PLCB4: variants seen among roughly 807,000 people sequenced by gnomAD.
PLCB4 encodes phospholipase C beta 4.
In PLCB4, 77 loss-of-function variants were observed where a neutral mutation model predicts 178.8. That is an observed-to-expected ratio of 0.43 (90% confidence interval 0.36 to 0.52). PLCB4 has a LOEUF of 0.52. Among genes scored for constraint, PLCB4 ranks in the 20% least tolerant of loss-of-function variants. The probability of loss-of-function intolerance (pLI) is 0.00; values close to 1 mark genes in which losing one functional copy is unlikely to be tolerated. For synonymous variants in PLCB4, 496 were observed against 490.8 expected, an observed-to-expected ratio of 1.01 and a Z score of -0.14; for missense variants, 1,024 against 1,453.4, an observed-to-expected ratio of 0.70 and a Z score of 4.80.
At chr20:9,422,168 T>C (rs1173585065) in intron 27 of PLCB4, among the ~76,000 whole-genome samples, 2 of 152,244 alleles carry the variant, frequency 1.3e-5, no homozygotes, top group Admixed American at 6.5e-5. Context: ...AATGATTTCT[T>C]GCTGCTTCTT....
intron 7 of PLCB4, among the ~76,000 whole-genome samples, chr20:9,361,484 A>AG (rs1234051818): frequency 2.6e-5 from 4 of 152,060 alleles, no homozygotes; most frequent in Non-Finnish European, 5.9e-5. Flanking sequence ...GGCTGGGAGG[A>AG]GGGGGAGATG....
At chr20:9,153,331 T>C (rs1308723905) in intron 2 of PLCB4, among the ~76,000 whole-genome samples, 1 of 152,108 alleles carries the variant, frequency 6.6e-6, no homozygotes, top group Non-Finnish European at 1.5e-5. Flanking sequence ...TTGAATTGTG[T>C]CTCCCAGAAT....
At chr20:9,197,258 C>T (rs1324277915) in intron 2 of PLCB4, among the ~76,000 whole-genome samples, 2 of 152,156 alleles carry the variant, frequency 1.3e-5, no homozygotes, top group African/African-American at 4.8e-5. Flanking sequence ...CACTGCCTAC[C>T]CATTAAGCAA....
chr20:9,166,462 G>C (rs1232343181), intron 2 of PLCB4: 1 of 152,176 alleles, frequency 6.6e-6, no homozygotes, highest in Non-Finnish European at 1.5e-5. Flanking sequence ...GGCACTGTTT[G>C]CCCAGCCTCT....
At chr20:9,173,673 T>C (rs1236586322) in intron 2 of PLCB4, among the ~76,000 whole-genome samples, 1 of 152,204 alleles carries the variant, frequency 6.6e-6, no homozygotes, top group Non-Finnish European at 1.5e-5. Context: ...GTCACATGTC[T>C]TTCTTTGATC....
chr20:9,318,114 A>G (rs544943255), intron 4 of PLCB4, among the ~76,000 whole-genome samples: 1 of 152,156 alleles, frequency 6.6e-6, no homozygotes, highest in African/African-American at 2.4e-5. Context: ...GCGCTATTGC[A>G]CTCCAGCCTG....
chr20:9,408,153 TG>T (rs3830773), intron 22 of PLCB4, 95 bp downstream of exon 22: 55,550 of 1,057,128 alleles, frequency 0.053, 2,828 homozygotes, highest in East Asian at 0.21. Context: ...TTTTTCTTTG[TG>T]GGCATGGGGG....
In PLCB4 at chr20:9,337,172, T is replaced by C; in HGVS notation, c.131T>C (p.Phe44Ser). ...AACTGCCTCTTCAAAGTGGATGAGT[T>C]TGGCTTCTTTCTGACATGGAGAAGT... ...EPNCLFKVDE[F>S]GFFLTWRSEG... The change falls in exon 5 of 40, where the codon TTT (phenylalanine) becomes TCT (serine). Residue 44 changes from phenylalanine to serine, a missense_variant. Phe to Ser is a radical substitution (Grantham distance 155). Transcript: ENST00000378473. The C allele has an allele frequency of 6.2e-7, 1 of 1,613,362 alleles. No individual in the cohort carries two copies. Among genetic ancestry groups the C allele is most frequent in the Non-Finnish European group, 8.5e-7 (1 of 1,179,418 alleles).
At chr20:9,289,350 A>G (rs993352296) in intron 3 of PLCB4, among the ~76,000 whole-genome samples, 1 of 152,100 alleles carries the variant, frequency 6.6e-6, no homozygotes, top group Non-Finnish European at 1.5e-5. Context: ...GGAACACTCT[A>G]CAAACAAAGC....
intron 3 of PLCB4, among the ~76,000 whole-genome samples, chr20:9,233,509 G>A (rs1175779359): frequency 5.9e-5 from 9 of 152,084 alleles, no homozygotes; most frequent in African/African-American, 2.2e-4. Flanking sequence ...AAAGGAAGTG[G>A]TATGGTAGAG....
At chr20:9,294,576 A>T (rs2094612499) in intron 3 of PLCB4, among the ~76,000 whole-genome samples, 1 of 152,120 alleles carries the variant, frequency 6.6e-6, no homozygotes, top group Non-Finnish European at 1.5e-5. Context: ...AGTTCCGAAT[A>T]CCTAGCCAGC....
intron 2 of PLCB4, among the ~76,000 whole-genome samples, chr20:9,110,987 A>C (rs889295392): frequency 1.3e-5 from 2 of 152,112 alleles, no homozygotes; most frequent in African/African-American, 4.8e-5. Context: ...GCAGGTATTC[A>C]ATTTATTATT....
chr20:9,240,833 G>C (rs1395068678), intron 3 of PLCB4, among the ~76,000 whole-genome samples: 1 of 152,160 alleles, frequency 6.6e-6, no homozygotes. Context: ...GGGGAGATGA[G>C]TAACAAACAC....
chr20:9,306,448 A>G (rs1011400377), intron 3 of PLCB4, among the ~76,000 whole-genome samples: 11 of 152,130 alleles, frequency 7.2e-5, no homozygotes, highest in Non-Finnish European at 1.0e-4. Context: ...CCTTGGCTCA[A>G]CACTTCATCT....
intron 6 of PLCB4, among the ~76,000 whole-genome samples, chr20:9,338,643 C>G (rs1442876128): frequency 6.6e-6 from 1 of 152,092 alleles, no homozygotes; most frequent in Admixed American, 6.6e-5. Context: ...CACCACTGTT[C>G]ACCAGCCTGG....
intron 9 of PLCB4, among the ~76,000 whole-genome samples, chr20:9,366,169 C>G (rs1476618094): frequency 6.7e-6 from 1 of 150,288 alleles, no homozygotes; most frequent in African/African-American, 2.5e-5. Context: ...GCGGGTGGAT[C>G]ACAGGTCAGG....
chr20:9,293,539 T>A (rs1054787401), intron 3 of PLCB4, among the ~76,000 whole-genome samples: 11 of 152,088 alleles, frequency 7.2e-5, no homozygotes, highest in Non-Finnish European at 1.6e-4. Flanking sequence ...ATTAAGTGTG[T>A]GTTTGTGTAA....
At chr20:9,303,241 T>A (rs1248400918) in intron 3 of PLCB4, among the ~76,000 whole-genome samples, 1 of 152,200 alleles carries the variant, frequency 6.6e-6, no homozygotes, top group Non-Finnish European at 1.5e-5. Context: ...TGTACATACA[T>A]GCTATATTCA....
At chr20:9,422,525 A>G (rs573348445) in intron 27 of PLCB4, among the ~76,000 whole-genome samples, 7 of 152,162 alleles carry the variant, frequency 4.6e-5, no homozygotes, top group Non-Finnish European at 8.8e-5. Context: ...TCTTTGGCAT[A>G]GTGAATAATC....
Sources: gnomAD v4.1 joint callset for allele counts (sites outside exome capture counted in the v4.1 genomes callset) on GRCh38, gnomAD v4.1.1 for gene constraint, MANE v1.5 for transcripts, NCBI Gene and HGNC (gene_info 2026-07-23, HGNC 2026-07-21) for gene names.